Variants in MSANTD5 observed in about 807,000 individuals in gnomAD.
The protein encoded by MSANTD5 is Myb/SANT DNA binding domain containing 5.
At chr5:178,697,783 T>C (rs1022191286), upstream of MSANTD5, 1 of 152,214 alleles carries the variant, frequency 6.6e-6, no homozygotes, top group Non-Finnish European at 1.5e-5. Context: ...AGATCGGACA[T>C]GTTTAAATAT....
chr5:178,696,491 G>T (rs1765414143), intron 1 of MSANTD5, among the ~76,000 whole-genome samples: 1 of 152,160 alleles, frequency 6.6e-6, no homozygotes, highest in Non-Finnish European at 1.5e-5. Flanking sequence ...CTCCCAAAGT[G>T]CTGGGATTAC....
the MSANTD5 span, among the ~76,000 whole-genome samples, chr5:178,703,317 G>A: frequency 6.6e-6 from 1 of 152,168 alleles, no homozygotes; most frequent in Admixed American, 6.5e-5. Context: ...TGATGCGCTT[G>A]GCTTGCATGA....
At chr5:178,694,656 T>G (rs553137953) in exon 4 of MSANTD5, 5 of 152,354 alleles carry the variant, frequency 3.3e-5, no homozygotes, top group Admixed American at 6.5e-5. Flanking sequence ...GTGCTGTTTT[T>G]CAGTCTTTCT....
upstream of MSANTD5, among the ~76,000 whole-genome samples, chr5:178,701,072 C>A (rs1765477197): frequency 2.6e-5 from 4 of 152,306 alleles, no homozygotes; most frequent in South Asian, 6.2e-4. Context: ...CTCCCAGGTT[C>A]ACGCCATTCT....
downstream of MSANTD5, among the ~76,000 whole-genome samples, chr5:178,692,072 TAA>T (rs58907781): frequency 6.6e-5 from 6 of 91,156 alleles, no homozygotes; most frequent in African/African-American, 1.5e-4. Context: ...TGGCAGTTTC[TAA>T]AAAAAAAAAA....
At chr5:178,704,006 A>T in the MSANTD5 span, among the ~76,000 whole-genome samples, 1 of 151,912 alleles carries the variant, frequency 6.6e-6, no homozygotes, top group Non-Finnish European at 1.5e-5. Context: ...AAGAAATGAC[A>T]AATATTTAAG....
exon 1 of MSANTD5, chr5:178,697,668 A>G (rs1057263846): frequency 1.3e-5 from 2 of 152,108 alleles, no homozygotes; most frequent in Non-Finnish European, 2.9e-5. Context: ...TTGGCGGAAC[A>G]CTGGCACTTA....
At chr5:178,693,678 C>T (rs779513784), downstream of MSANTD5, among the ~76,000 whole-genome samples, 12 of 151,972 alleles carry the variant, frequency 7.9e-5, no homozygotes, top group Non-Finnish European at 1.5e-4. Context: ...AGCTTTTATT[C>T]CCTTATTTGC....
At chr5:178,697,319 T>TG (rs1231855402) in intron 1 of MSANTD5, among the ~76,000 whole-genome samples, 2 of 151,340 alleles carry the variant, frequency 1.3e-5, no homozygotes, top group African/African-American at 4.9e-5. Flanking sequence ...CCGGGCGTGG[T>TG]GGCGGGCGCC....
the MSANTD5 span, among the ~76,000 whole-genome samples, chr5:178,705,252 T>C: frequency 1.3e-5 from 2 of 152,106 alleles, no homozygotes; most frequent in Non-Finnish European, 2.9e-5. Context: ...TTTGCCATGT[T>C]GGCCAGGATG....
chr5:178,698,191 C>G (rs574233033), upstream of MSANTD5, among the ~76,000 whole-genome samples: 22 of 152,216 alleles, frequency 1.4e-4, no homozygotes, highest in East Asian at 4.2e-3. Flanking sequence ...CTATGAGAAG[C>G]TCAGATTAAA....
At chr5:178,707,257 A>G in the MSANTD5 span, 1 of 152,148 alleles carries the variant, frequency 6.6e-6, no homozygotes, top group Non-Finnish European at 1.5e-5. Flanking sequence ...TTAACTGCTC[A>G]GTTTAAACAG....
At chr5:178,702,301 C>CT (rs372575693), upstream of MSANTD5, among the ~76,000 whole-genome samples, 2,334 of 133,304 alleles carry the variant, frequency 0.018, 38 homozygotes, top group Admixed American at 0.022. Flanking sequence ...CTTTTTTTTT[C>CT]TTTTTTTTTT....
downstream of MSANTD5, among the ~76,000 whole-genome samples, chr5:178,692,437 T>C (rs931423999): frequency 7.2e-5 from 11 of 151,896 alleles, no homozygotes; most frequent in African/African-American, 2.4e-4. Context: ...ATTGTACCCC[T>C]GGGTATTTAT....
downstream of MSANTD5, chr5:178,694,502 TGGTCTTTCTACAATTAAA>T (rs1765390195): frequency 6.6e-6 from 1 of 152,136 alleles, no homozygotes; most frequent in Admixed American, 6.6e-5. Context: ...CCCTGTCCCA[TGGTCTTTCTACAATTAAA>T]GGTTCAACCC....
downstream of MSANTD5, among the ~76,000 whole-genome samples, chr5:178,693,867 G>C (rs1454779587): frequency 1.3e-5 from 2 of 151,992 alleles, no homozygotes. Flanking sequence ...CAGAAGCCCA[G>C]CTGGATTCAC....
chr5:178,700,887 G>A (rs1172372388), upstream of MSANTD5, among the ~76,000 whole-genome samples: 3 of 152,220 alleles, frequency 2.0e-5, no homozygotes, highest in African/African-American at 7.2e-5. Context: ...AGATTAGACA[G>A]GAGAGTATGA....
the MSANTD5 span, among the ~76,000 whole-genome samples, chr5:178,705,124 C>T: frequency 6.6e-6 from 1 of 152,206 alleles, no homozygotes; most frequent in Admixed American, 6.5e-5. Flanking sequence ...TCTTGGCTCA[C>T]TACAGCCTCT....
At chr5:178,692,527 A>G (rs1765367712), downstream of MSANTD5, among the ~76,000 whole-genome samples, 2 of 152,036 alleles carry the variant, frequency 1.3e-5, no homozygotes, top group African/African-American at 4.8e-5. Flanking sequence ...CCAAACTGGA[A>G]ACATCCCGGA....
Sources: gnomAD v4.1 joint callset for allele counts (sites outside exome capture counted in the v4.1 genomes callset) on GRCh38, gnomAD v4.1.1 for gene constraint, MANE v1.5 for transcripts, NCBI Gene and HGNC (gene_info 2026-07-23, HGNC 2026-07-21) for gene names.